Variants in DIAPH3 observed in about 807,000 individuals in gnomAD.
DIAPH3 encodes the protein diaphanous related formin 3, also known as protein diaphanous homolog 3.
DIAPH3 carries 117 observed loss-of-function variants against 144.3 expected under a neutral mutation model. That is an observed-to-expected ratio of 0.81 (90% confidence interval 0.70 to 0.95). The LOEUF is 0.95. Among genes scored for constraint, DIAPH3 ranks in the 40% least tolerant of loss-of-function variants. DIAPH3 has a pLI of 0.00. For missense variants in DIAPH3, 1,421 were observed against 1,412.7 expected (o/e 1.01, Z -0.09); for synonymous variants, 519 against 488.9 (o/e 1.06, Z -0.81).
chr13:59,744,982 A>T lies in DIAPH3; in HGVS notation c.3319+29207T>A, dbSNP rs116737569. ...GCCTCACCCCTTATAGGTCTGCATG[A>T]CAGTACAAATAGCTAGAGTTTATGG... is the stretch of plus-strand genomic sequence containing the variant. On this transcript the variant is annotated intron_variant, in intron 27 of 27. Transcript: ENST00000400324. Among the ~76,000 whole-genome samples, 615 of 152,320 alleles carry T rather than the reference A, an allele frequency of 4.0e-3. 4 individuals are homozygous for T. The highest frequency in any genetic ancestry group is 0.014 in the African/African-American group (592 of 41,562).
Position 59,879,217 on chromosome 13 carries a change from A to C in DIAPH3, c.2607+12T>G, listed in dbSNP as rs1039269997. The C allele has an allele frequency of 3.7e-6, 6 of 1,613,632 alleles. No homozygotes were observed. Among genetic ancestry groups the C allele is most frequent in the Non-Finnish European group, 3.4e-6 (4 of 1,179,654 alleles). On this transcript the variant is annotated intron_variant, in intron 21 of 27. Coordinates refer to ENST00000400324, the MANE Select transcript of DIAPH3 (RefSeq NM_001042517.2). ...TTCAGGCAAATATGTGTTTTTAAAA[A>C]AACAAACTCACTTTACAGAGAGAGC... is the stretch of plus-strand genomic sequence containing the variant.
chr13:59,758,779 C>T (rs983746559), intron 27 of DIAPH3, among the ~76,000 whole-genome samples: 5 of 139,122 alleles, frequency 3.6e-5, no homozygotes, highest in Non-Finnish European at 7.9e-5. Context: ...TTTTCTCTCT[C>T]TTTTTTTTTT....
chr13:59,957,815 C>T (rs966569034), intron 17 of DIAPH3, among the ~76,000 whole-genome samples: 4 of 152,078 alleles, frequency 2.6e-5, no homozygotes, highest in Admixed American at 6.6e-5. Context: ...ACTAATACCC[C>T]TCATTTAAAA....
chr13:60,037,979 A>C (rs1167703321), intron 5 of DIAPH3, among the ~76,000 whole-genome samples: 1 of 152,080 alleles, frequency 6.6e-6, no homozygotes, highest in East Asian at 1.9e-4. Flanking sequence ...GAATGCATGG[A>C]AGATGACTGG....
intron 24 of DIAPH3, among the ~76,000 whole-genome samples, chr13:59,822,186 A>T (rs951067422): frequency 2.6e-5 from 4 of 152,172 alleles, no homozygotes; most frequent in Non-Finnish European, 5.9e-5. Flanking sequence ...TTCCCAAAGT[A>T]TAATTTGATT....
intron 4 of DIAPH3, among the ~76,000 whole-genome samples, chr13:60,069,935 CTTAGGA>C (rs1237443437): frequency 6.6e-6 from 1 of 152,054 alleles, no homozygotes; most frequent in African/African-American, 2.4e-5. Flanking sequence ...GTTCTTTTTG[CTTAGGA>C]TTGTCTTGGC....
At chr13:59,806,300 G>A (rs1329191780) in intron 25 of DIAPH3, among the ~76,000 whole-genome samples, 1 of 151,886 alleles carries the variant, frequency 6.6e-6, no homozygotes, top group African/African-American at 2.4e-5. Context: ...GCAGTACCAT[G>A]TTCTGTACTA....
At chr13:60,103,160 G>T (rs1049820256) in intron 3 of DIAPH3, among the ~76,000 whole-genome samples, 4 of 151,754 alleles carry the variant, frequency 2.6e-5, no homozygotes, top group Non-Finnish European at 4.4e-5. Context: ...AAACCGAGGT[G>T]GGGGGGAAAT....
intron 9 of DIAPH3, among the ~76,000 whole-genome samples, chr13:60,005,236 T>TA (rs1452713315): frequency 2.0e-5 from 3 of 151,164 alleles, no homozygotes; most frequent in East Asian, 2.1e-4. Context: ...TATTAATAAG[T>TA]AAAAAAAGCC....
At chr13:59,923,256 A>C (rs2047600990) in intron 18 of DIAPH3, among the ~76,000 whole-genome samples, 1 of 152,160 alleles carries the variant, frequency 6.6e-6, no homozygotes, top group South Asian at 2.1e-4. Flanking sequence ...GACTATTTAG[A>C]ATCAACACTA....
chr13:60,083,109 G>A (rs571581360), intron 4 of DIAPH3, among the ~76,000 whole-genome samples: 5 of 152,012 alleles, frequency 3.3e-5, no homozygotes, highest in African/African-American at 1.2e-4. Context: ...ATATTCTAGA[G>A]GAGGAGCTTG....
At chr13:59,774,620 C>T in intron 26 of DIAPH3, 108 bp downstream of exon 26, 2 of 1,042,222 alleles carry the variant, frequency 1.9e-6, no homozygotes, top group Middle Eastern at 2.0e-4. Flanking sequence ...ACAGTTGTTG[C>T]CCACGGCACT....
chr13:60,121,234 G>T (rs553731906), intron 2 of DIAPH3, among the ~76,000 whole-genome samples: 242 of 149,186 alleles, frequency 1.6e-3, no homozygotes, highest in African/African-American at 5.5e-3. Context: ...ATGCTGATAG[G>T]TTTTTTTTTT....
intron 20 of DIAPH3, among the ~76,000 whole-genome samples, chr13:59,882,224 G>A (rs553696367): frequency 6.6e-6 from 1 of 152,074 alleles, no homozygotes; most frequent in African/African-American, 2.4e-5. Flanking sequence ...GAGTGGCTGG[G>A]ATTACAGCCA....
intron 5 of DIAPH3, among the ~76,000 whole-genome samples, chr13:60,039,746 A>G (rs1016024881): frequency 2.6e-5 from 4 of 152,180 alleles, no homozygotes; most frequent in African/African-American, 9.7e-5. Context: ...AGGTCTAACA[A>G]TGATCTCAAA....
At chr13:59,904,586 A>G (rs2046629629) in intron 20 of DIAPH3, among the ~76,000 whole-genome samples, 3 of 152,194 alleles carry the variant, frequency 2.0e-5, no homozygotes, top group Non-Finnish European at 4.4e-5. Flanking sequence ...ATCAAATTAA[A>G]GAATTAACCA....
intron 17 of DIAPH3, among the ~76,000 whole-genome samples, chr13:59,957,528 C>T (rs1160387107): frequency 6.6e-6 from 1 of 152,074 alleles, no homozygotes; most frequent in Non-Finnish European, 1.5e-5. Context: ...TTATAAATAC[C>T]CAGTCTCAGG....
At chr13:59,892,403 G>C (rs1304624205) in intron 20 of DIAPH3, among the ~76,000 whole-genome samples, 1 of 151,492 alleles carries the variant, frequency 6.6e-6, no homozygotes, top group Non-Finnish European at 1.5e-5. Context: ...CCATTAGAAG[G>C]GTCAAAGAAA....
At position 60,112,102 on chromosome 13, in the gene DIAPH3, T is replaced by C; in HGVS notation, c.298A>G (p.Ser100Gly). The change falls in exon 3 of 28, where the codon AGT (serine) becomes GGT (glycine). Residue 100 changes from serine to glycine, a missense_variant. By Grantham distance (56) the Ser-to-Gly change is moderately conservative. Transcript: ENST00000400324. ...TCTAAAGGTGCTGCTGAGCAATCACTGCTTGCAAATGCAGTCTTCAGGTTG... is the reference window on the plus strand; with the variant it reads ...TCTAAAGGTGCTGCTGAGCAATCACCGCTTGCAAATGCAGTCTTCAGGTTG... ...LPNLKTAFAS[S>G]DCSAAPLEMM... is the part of the protein sequence containing the mutation. 2 of 1,614,140 alleles carry C rather than the reference T, an allele frequency of 1.2e-6. No homozygotes were observed. Among genetic ancestry groups the C allele is most frequent in the South Asian group, 1.1e-5 (1 of 91,090 alleles).
Sources: allele counts gnomAD v4.1 joint callset (sites outside exome capture counted in the v4.1 genomes callset), GRCh38; gene constraint gnomAD v4.1.1; transcripts MANE v1.5; gene names NCBI Gene and HGNC (gene_info 2026-07-23, HGNC 2026-07-21).